PC: variants seen among roughly 807,000 people sequenced by gnomAD.
PC encodes the protein pyruvate carboxylase, mitochondrial.
In PC, 46 loss-of-function variants were observed where a neutral mutation model predicts 107.8. The ratio of observed to expected loss-of-function variants is 0.43; its 90% confidence interval spans 0.34 to 0.55. The LOEUF (loss-of-function observed/expected upper bound fraction) is 0.55. Ranked by LOEUF, PC falls within the 20% of genes least tolerant of loss-of-function variation. The pLI, the probability that PC is intolerant of heterozygous loss-of-function variation, is 0.04. For missense variants in PC, 1,241 were observed against 1,643.1 expected, an observed-to-expected ratio of 0.76 and a Z score of 4.23; for synonymous variants, 662 against 684.7, an observed-to-expected ratio of 0.97 and a Z score of 0.52.
Position 66,866,165 on chromosome 11 carries a change from C to A in PC, c.1185+22G>T. 6.2e-7 allele frequency: 1 copy of A among 1,602,090 alleles called. No homozygotes were observed. Among genetic ancestry groups the A allele is most frequent in the East Asian group, 2.2e-5 (1 of 44,808 alleles). On this transcript the variant is annotated intron_variant, in intron 11 of 22. Transcript: ENST00000393960. This position sits in a 1 kb window ranked among gnomAD's most constrained non-coding sequence, Gnocchi z 5.4. ...CTGTGCACAGGTGAGCTGGCATCTC[C>A]CTCTGCTCGAGCTCCGCCCACCTCA...
In PC at chr11:66,849,950, G is replaced by A; in HGVS notation, c.2885C>T (p.Pro962Leu). The A allele has an allele frequency of 6.2e-7, 1 of 1,613,574 alleles. No homozygotes were observed. The highest frequency in any genetic ancestry group is 8.5e-7 in the Non-Finnish European group (1 of 1,180,030). Residue 962 changes from proline (P) to leucine (L), a missense_variant, in exon 20 of 23, where the codon CCC becomes CTC. Pro to Leu is a moderately conservative substitution (Grantham distance 98). This residue lies in a region of PC where 1,143 missense variants were observed against 1,551.9 expected (regional missense o/e 0.74). Coordinates refer to ENST00000393960, the MANE Select transcript of PC (RefSeq NM_001040716.2). Reference protein sequence around the residue: ...IGVPHGGFPEPFRSKVLKDLP... With the variant: ...IGVPHGGFPELFRSKVLKDLP... The stretch of plus-strand genomic sequence containing the variant: ...GGCCTTCCCTACCTTAGAGCGAAAG[G>A]GTTCGGGGAACCCCCCATGGGGGAC...
At chr11:66,861,168 G>A (rs1006638450) in intron 12 of PC, among the ~76,000 whole-genome samples, 2 of 152,188 alleles carry the variant, frequency 1.3e-5, no homozygotes, top group African/African-American at 4.8e-5. Context: ...AGCCGGATGG[G>A]CACGAGCCCT....
chr11:66,950,045 T>C (rs1363071802), intron 3 of PC, among the ~76,000 whole-genome samples: 1 of 152,162 alleles, frequency 6.6e-6, no homozygotes, highest in Non-Finnish European at 1.5e-5. Context: ...AATATACTTA[T>C]TATTAATGAT....
chr11:66,948,039 A>ATAGC (rs1201396624), intron 3 of PC, among the ~76,000 whole-genome samples: 10 of 151,278 alleles, frequency 6.6e-5, no homozygotes, highest in African/African-American at 2.4e-4. Context: ...AGATAGATAG[A>ATAGC]TAGATAGATA....
chr11:66,872,131 C>T lies in PC; in HGVS notation c.29G>A (p.Gly10Asp). ...TCGGCGGATTCCCAGGAGCCTCAGG[C>T]CCCCATGGACTGTTCGGAACTTCAG... The part of the protein sequence containing the change: MLKFRTVHG[G>D]LRLLGIRRTS... Residue 10 changes from glycine (G) to aspartate (D), a missense_variant, in exon 4 of 23, where the codon GGC (glycine) becomes GAC (aspartate). Around this residue, in one of 2 missense-constraint regions of PC, gnomAD observed 1,143 missense variants for 1,551.9 expected, o/e 0.74. Coordinates refer to ENST00000393960, the MANE Select transcript of PC (RefSeq NM_001040716.2). The T allele has an allele frequency of 4.4e-6, 7 of 1,581,196 alleles. No individual in the cohort carries two copies. The highest frequency in any genetic ancestry group is 5.2e-6 in the Non-Finnish European group (6 of 1,164,522).
At chr11:66,930,898 A>G (rs1948830312) in intron 3 of PC, among the ~76,000 whole-genome samples, 1 of 152,188 alleles carries the variant, frequency 6.6e-6, no homozygotes, top group African/African-American at 2.4e-5. Context: ...GGCAGTGAAC[A>G]TGAACAGAGC....
In PC at chr11:66,899,295, G is replaced by A. The variant is rs961138382; in HGVS notation, c.1-27136C>T. The stretch of plus-strand genomic sequence containing the variant: ...GTGTGTGCCAGTACTTCACTTCTTT[G>A]TATGGCTAAATAATATCCCATCATA... On this transcript the variant is annotated intron_variant, in intron 3 of 22. Coordinates refer to ENST00000393960, the MANE Select transcript of PC (RefSeq NM_001040716.2). Among the ~76,000 whole-genome samples, 13 of 152,158 alleles carry A rather than the reference G, an allele frequency of 8.5e-5. 2 individuals are homozygous for A. The highest frequency in any genetic ancestry group is 7.9e-4 in the Admixed American group (12 of 15,262).
chr11:66,935,819 T>C (rs79963297), intron 3 of PC, among the ~76,000 whole-genome samples: 5,548 of 152,246 alleles, frequency 0.036, 232 homozygotes, highest in East Asian at 0.096. Context: ...CCAAGTGCTG[T>C]AGCTCATGCC....
Position 66,954,447 on chromosome 11 carries a change from G to A in PC, c.-227-11C>T, listed in dbSNP as rs1949509077. On this transcript the variant is annotated splice_polypyrimidine_tract_variant and intron_variant, in intron 1 of 22. Transcript: ENST00000393960. ...GAGACTAGAAGGCAGCTAAGAGAAA[G>A]AGAGGAAGGCACGGTCAGTCAGGCC... 1.3e-5 allele frequency: 2 copies of A among 152,392 alleles called. No individual in the cohort carries two copies. The highest frequency in any genetic ancestry group is 2.9e-5 in the Non-Finnish European group (2 of 68,150). 9.4% of individuals were successfully genotyped at this position (152,392 alleles called of 1,614,324 possible).
chr11:66,860,294 C>T (rs113659922), intron 12 of PC: 1 of 1,463,374 alleles, frequency 6.8e-7, no homozygotes, highest in African/African-American at 1.4e-5. Context: ...GGTTTTTATT[C>T]TCAGTACCTC....
rs566553688 is a variant in PC at position 66,878,368 on chromosome 11, C to G, written c.1-6209G>C. On this transcript the variant is annotated intron_variant, in intron 3 of 22. Transcript: ENST00000393960. ...GCTCTCCTCCCCTGTCCACACCACA[C>G]TCACTCCCCACTGCCTTTTCCATGC... Among the ~76,000 whole-genome samples the G allele has an allele frequency of 1.1e-3, 160 of 152,356 alleles. 1 individual carries two copies. Among genetic ancestry groups the G allele is most frequent in the Admixed American group, 2.2e-3 (34 of 15,308 alleles).
chr11:66,873,776 C>A (rs138103239), intron 3 of PC, among the ~76,000 whole-genome samples: 1,971 of 150,600 alleles, frequency 0.013, 30 homozygotes, highest in Middle Eastern at 0.021. Context: ...TGATTCATTT[C>A]TTTCTTTTGA....
At chr11:66,868,768 C>A in intron 10 of PC, 78 bp downstream of exon 10, 1 of 1,141,978 alleles carries the variant, frequency 8.8e-7, no homozygotes, top group African/African-American at 1.5e-5. Context: ...CCTGGCTGGC[C>A]CCAGGAGCCA....
chr11:66,937,461 T>A (rs1172088998), intron 3 of PC, among the ~76,000 whole-genome samples: 1 of 146,822 alleles, frequency 6.8e-6, no homozygotes, highest in Non-Finnish European at 1.5e-5. Context: ...CTGATATTCA[T>A]CCTCATTGGA....
Position 66,863,786 on chromosome 11 carries a change from G to T in PC, c.1356C>A (p.Val452=). 1.9e-6 allele frequency: 3 copies of T among 1,611,404 alleles called. No homozygotes were observed. The highest frequency in any genetic ancestry group is 2.5e-6 in the Non-Finnish European group (3 of 1,179,148). ...TGCAGCCTCTCACCTTCACACCTCG[G>T]ACGCGGAACTCCGCAAGGGCCCTGC... ...KMSRALAEFR[V]RGVKTNIAFL... is the part of the protein sequence containing the mutation. The change falls in exon 12 of 23, where the codon GTC becomes GTA. Residue 452 remains valine, a synonymous_variant. Coordinates refer to ENST00000393960, the MANE Select transcript of PC (RefSeq NM_001040716.2).
chr11:66,951,126 G>A (rs887249221), intron 3 of PC, among the ~76,000 whole-genome samples: 13 of 152,052 alleles, frequency 8.5e-5, no homozygotes, highest in Admixed American at 4.6e-4. Context: ...ATGAAGGGTC[G>A]TCAGAGGAAA....
In PC at chr11:66,866,787, G is replaced by A. The variant is rs898558600; in HGVS notation, c.1023-438C>T. Among the ~76,000 whole-genome samples the A allele has an allele frequency of 2.0e-5, 3 of 152,162 alleles. No homozygotes were observed. Among genetic ancestry groups the A allele is most frequent in the Non-Finnish European group, 4.4e-5 (3 of 68,036 alleles). Reference sequence around the variant, plus strand: ...GAGGGCCAGGATAGCACATTCTTGGGGCCATATGTGCTATGCTGTGTGGGT... The same window carrying A: ...GAGGGCCAGGATAGCACATTCTTGGAGCCATATGTGCTATGCTGTGTGGGT... On this transcript the variant is annotated intron_variant, in intron 10 of 22. Coordinates refer to ENST00000393960, the MANE Select transcript of PC (RefSeq NM_001040716.2). This position sits in a 1 kb window ranked among gnomAD's most constrained non-coding sequence, Gnocchi z 5.4.
At chr11:66,882,218 T>C (rs138875350) in intron 3 of PC, among the ~76,000 whole-genome samples, 1 of 152,366 alleles carries the variant, frequency 6.6e-6, no homozygotes, top group African/African-American at 2.4e-5. Flanking sequence ...TGTCAGGCCA[T>C]CATCCCCCAA....
chr11:66,937,776 T>G (rs1278305691), intron 3 of PC, among the ~76,000 whole-genome samples: 12 of 150,634 alleles, frequency 8.0e-5, no homozygotes, highest in African/African-American at 3.0e-4. Flanking sequence ...TCTGGGTTTT[T>G]TTTGTTTTTT....
Sources: gnomAD v4.1 joint callset for allele counts (sites outside exome capture counted in the v4.1 genomes callset) on GRCh38, gnomAD v4.1.1 for gene constraint, gnomAD v4.1.1 regional missense constraint, Gnocchi (gnomAD v3.1) non-coding constraint, MANE v1.5 for transcripts, NCBI Gene and HGNC (gene_info 2026-07-23, HGNC 2026-07-21) for gene names.